The following LEPR variants were observed in gnomAD, a reference collection of about 807,000 sequenced individuals.
LEPR encodes OB receptor.
Under a neutral mutation model 114.7 loss-of-function variants are expected in LEPR, and 56 were observed. The ratio of observed to expected loss-of-function variants is 0.49; its 90% CI spans 0.39 to 0.61. The LOEUF is 0.61. Among genes scored for constraint, LEPR ranks in the 20% least tolerant of loss-of-function variants. The pLI is 0.00. For synonymous variants in LEPR, 443 were observed against 461.4 expected (o/e 0.96, Z 0.51); for missense variants, 1,202 against 1,352.9 (o/e 0.89, Z 1.75).
At chr1:65,483,698 C>G (rs1189794653) in intron 2 of LEPR, among the ~76,000 whole-genome samples, 2 of 152,208 alleles carry the variant, frequency 1.3e-5, no homozygotes, top group Non-Finnish European at 1.5e-5. Flanking sequence ...AAGTATTTCT[C>G]GATTATTCTT....
At chr1:65,453,115 T>C (rs1225991396) in intron 2 of LEPR, among the ~76,000 whole-genome samples, 31 of 152,316 alleles carry the variant, frequency 2.0e-4, no homozygotes, top group African/African-American at 4.1e-4. Flanking sequence ...TCTGTGGGAT[T>C]GGTGGTGATA....
intron 2 of LEPR, among the ~76,000 whole-genome samples, chr1:65,481,187 G>A (rs1023466304): frequency 2.6e-5 from 4 of 152,162 alleles, no homozygotes; most frequent in Admixed American, 2.0e-4. Flanking sequence ...ACAGCAGGCA[G>A]GTTAGATTTG....
At chr1:65,533,449 C>A (rs956612452) in intron 2 of LEPR, among the ~76,000 whole-genome samples, 1 of 152,048 alleles carries the variant, frequency 6.6e-6, no homozygotes, top group Non-Finnish European at 1.5e-5. Context: ...TAGCAAGACT[C>A]GTTTTAAATC....
intron 11 of LEPR, among the ~76,000 whole-genome samples, chr1:65,607,747 T>C (rs1415103701): frequency 6.6e-6 from 1 of 152,216 alleles, no homozygotes. Flanking sequence ...CCTGTTATTG[T>C]CAGGAAGATT....
intron 2 of LEPR, among the ~76,000 whole-genome samples, chr1:65,525,280 G>A (rs1305956327): frequency 6.6e-6 from 1 of 152,178 alleles, no homozygotes; most frequent in African/African-American, 2.4e-5. Context: ...GTCTGGGGGT[G>A]GGAGGGACGG....
chr1:65,501,628 T>C (rs1406893608), intron 2 of LEPR, among the ~76,000 whole-genome samples: 1 of 151,998 alleles, frequency 6.6e-6, no homozygotes, highest in Admixed American at 6.6e-5. Flanking sequence ...TTTGGGGGGA[T>C]ACAATTCAAC....
intron 2 of LEPR, among the ~76,000 whole-genome samples, chr1:65,474,868 G>T (rs930958915): frequency 6.6e-6 from 1 of 151,710 alleles, no homozygotes; most frequent in African/African-American, 2.4e-5. Context: ...TTAGACAGGC[G>T]TAGTGGCGTG....
intron 2 of LEPR, among the ~76,000 whole-genome samples, chr1:65,535,934 T>C (rs1650743052): frequency 1.3e-5 from 2 of 152,186 alleles, no homozygotes; most frequent in Non-Finnish European, 2.9e-5. Context: ...ATGGAATCTT[T>C]TATAATTTCC....
chr1:65,498,666 T>C (rs1227327214), intron 2 of LEPR, among the ~76,000 whole-genome samples: 1 of 152,160 alleles, frequency 6.6e-6, no homozygotes, highest in African/African-American at 2.4e-5. Context: ...TTGTTCCTTT[T>C]CCCTCCTAAT....
At chr1:65,502,143 G>C (rs879889958) in intron 2 of LEPR, among the ~76,000 whole-genome samples, 4 of 152,132 alleles carry the variant, frequency 2.6e-5, no homozygotes, top group Non-Finnish European at 5.9e-5. Context: ...GAAGGTAACT[G>C]TATTTGGAGG....
chr1:65,447,534 CTTTT>C (rs576747673), intron 2 of LEPR, among the ~76,000 whole-genome samples: 99 of 135,608 alleles, frequency 7.3e-4, no homozygotes, highest in Admixed American at 4.3e-3. Flanking sequence ...TTTTTCTTTT[CTTTT>C]TTTTTTTTTT....
intron 19 of LEPR, among the ~76,000 whole-genome samples, chr1:65,626,902 T>C (rs2101026918): frequency 6.6e-6 from 1 of 152,256 alleles, no homozygotes; most frequent in South Asian, 2.1e-4. Flanking sequence ...CCCAAAATGC[T>C]GGACTTAACA....
intron 5 of LEPR, among the ~76,000 whole-genome samples, chr1:65,575,256 A>G (rs1316482817): frequency 6.6e-6 from 1 of 151,818 alleles, no homozygotes; most frequent in Admixed American, 6.6e-5. Context: ...TATGGTTTGC[A>G]GAGTTCCAGC....
In LEPR at chr1:65,637,115, T is replaced by A; in HGVS notation, c.*100T>A. 5.3e-6 allele frequency: 7 copies of A among 1,311,458 alleles called. No homozygotes were observed. The highest frequency in any genetic ancestry group is 7.4e-6 in the Non-Finnish European group (7 of 950,122). 81.2% of individuals were successfully genotyped at this position (1,311,458 alleles called of 1,614,324 possible). On this transcript the variant is annotated 3_prime_UTR_variant, in exon 20 of 20. Transcript: ENST00000349533. ...AGAGAGAAAAGAAACCAGAGTCAAA[T>A]TTGAAAATAATTGTTCCAAATGAAT...
intron 2 of LEPR, among the ~76,000 whole-genome samples, chr1:65,546,372 G>C (rs1438909548): frequency 6.6e-6 from 1 of 152,152 alleles, no homozygotes; most frequent in African/African-American, 2.4e-5. Context: ...GATGCGGATG[G>C]CATTGAATCT....
At chr1:65,596,275 C>G (rs568688674) in intron 6 of LEPR, among the ~76,000 whole-genome samples, 173 bp from the exon 7 acceptor site, 1 of 151,966 alleles carries the variant, frequency 6.6e-6, no homozygotes, top group African/African-American at 2.4e-5. Flanking sequence ...GGTACAAGGA[C>G]GAGACCCAGT....
chr1:65,563,633 C>T (rs1653438295), intron 2 of LEPR, among the ~76,000 whole-genome samples: 6 of 118,072 alleles, frequency 5.1e-5, no homozygotes, highest in African/African-American at 1.5e-4. Context: ...AGACGCTCTG[C>T]GTTTTAGAGT....
At chr1:65,587,841 A>G (rs1013651960) in intron 5 of LEPR, among the ~76,000 whole-genome samples, 8 of 151,956 alleles carry the variant, frequency 5.3e-5, no homozygotes, top group African/African-American at 1.9e-4. Context: ...ACTAGGGTCT[A>G]TTTTTCATGT....
chr1:65,590,205 TTC>T (rs1387407107), intron 5 of LEPR, among the ~76,000 whole-genome samples: 2 of 129,554 alleles, frequency 1.5e-5, no homozygotes, highest in East Asian at 5.7e-4. Context: ...TTAAAATAAT[TTC>T]TGTTTCATCA....
Sources: gnomAD v4.1 joint callset for allele counts (sites outside exome capture counted in the v4.1 genomes callset) on GRCh38, gnomAD v4.1.1 for gene constraint, MANE v1.5 for transcripts, NCBI Gene and HGNC (gene_info 2026-07-23, HGNC 2026-07-21) for gene names.